The following SLC44A1 variants were observed in gnomAD, a reference collection of about 807,000 sequenced individuals.
SLC44A1 encodes the protein solute carrier family 44 member 1.
In SLC44A1, 26 loss-of-function variants were observed where a neutral mutation model predicts 79.3. The ratio of observed to expected loss-of-function variants is 0.33; its 90% CI spans 0.24 to 0.46. The LOEUF (loss-of-function observed/expected upper bound fraction) is 0.46, where lower values mean the gene tolerates loss of function less well. Ranked by LOEUF, SLC44A1 falls within the 20% of genes least tolerant of loss-of-function variation. The pLI, the probability that SLC44A1 is intolerant of heterozygous loss-of-function variation, is 1.00. For missense variants in SLC44A1, 688 were observed against 798.1 expected, an observed-to-expected ratio of 0.86 and a Z score of 1.66; for synonymous variants, 263 against 286.2, an observed-to-expected ratio of 0.92 and a Z score of 0.82.
chr9:105,278,302 G>A (rs770848730), intron 1 of SLC44A1, among the ~76,000 whole-genome samples: 1 of 152,078 alleles, frequency 6.6e-6, no homozygotes, highest in Non-Finnish European at 1.5e-5. Context: ...AGACTGGAGT[G>A]CAGTGGTGCG....
At chr9:105,374,799 A>G (rs985441108) in intron 13 of SLC44A1, 64 bp downstream of exon 13, 14 of 1,352,216 alleles carry the variant, frequency 1.0e-5, no homozygotes, top group Non-Finnish European at 1.2e-5. Flanking sequence ...TTGCTCTTTT[A>G]TTTTAAAAAT....
At chr9:105,271,837 C>T (rs1830085890) in intron 1 of SLC44A1, among the ~76,000 whole-genome samples, 1 of 152,174 alleles carries the variant, frequency 6.6e-6, no homozygotes, top group African/African-American at 2.4e-5. Context: ...TGGTCTCAAA[C>T]TCCTGACCTC....
At position 105,392,007 on chromosome 9, in the gene SLC44A1, A is replaced by G. The variant is rs547196754; in HGVS notation, c.*2951A>G. The G allele has an allele frequency of 6.2e-5, 61 of 985,346 alleles. 2 individuals carry two copies. In the South Asian group the frequency reaches 2.3e-3, roughly 37 times the overall value. The allele number at this position is 985,346 out of a possible 1,614,324, so 61.0% of individuals were successfully genotyped here. On this transcript the variant is annotated 3_prime_UTR_variant, in exon 16 of 16. Coordinates refer to ENST00000374720, the MANE Select transcript of SLC44A1 (RefSeq NM_080546.5). Reference sequence around the variant, plus strand: ...TTTAGACTTTCTAAGCTCCTGCCTGAAGAATAAGGTCTTCCATAATATGGA... The same window carrying G: ...TTTAGACTTTCTAAGCTCCTGCCTGGAGAATAAGGTCTTCCATAATATGGA...
At chr9:105,256,711 C>T (rs1354726551) in intron 1 of SLC44A1, among the ~76,000 whole-genome samples, 3 of 150,284 alleles carry the variant, frequency 2.0e-5, no homozygotes, top group Admixed American at 6.6e-5. Context: ...TACAGGCATG[C>T]ACTACCACGC....
chr9:105,400,723 A>C (rs985259361), downstream of SLC44A1, among the ~76,000 whole-genome samples: 5 of 152,158 alleles, frequency 3.3e-5, no homozygotes, highest in Admixed American at 2.0e-4. Context: ...CACTGAATAT[A>C]GGTTCCCAGG....
chr9:105,396,848 A>G lies in SLC44A1; in HGVS notation c.*7792A>G. ...GCCTTCCATGAATTCATAGTTTGGA[A>G]TCATTTACCTTACCATTATTTTGGA... is the stretch of plus-strand genomic sequence containing the variant. On this transcript the variant is annotated 3_prime_UTR_variant, in exon 16 of 16. Coordinates refer to ENST00000374720, the MANE Select transcript of SLC44A1 (RefSeq NM_080546.5). The G allele has an allele frequency of 3.0e-6, 3 of 984,972 alleles. No homozygotes were observed. In the South Asian group the frequency reaches 1.4e-4, roughly 46 times the overall value. The allele number at this position is 984,972 out of a possible 1,614,324, so 61.0% of individuals were successfully genotyped here.
At chr9:105,312,853 T>C (rs1831217484) in intron 3 of SLC44A1, among the ~76,000 whole-genome samples, 1 of 152,202 alleles carries the variant, frequency 6.6e-6, no homozygotes, top group Non-Finnish European at 1.5e-5. Context: ...ATCTCTAATC[T>C]GCTCCATCCT....
At chr9:105,307,115 C>G (rs1831052649) in intron 2 of SLC44A1, among the ~76,000 whole-genome samples, 1 of 152,132 alleles carries the variant, frequency 6.6e-6, no homozygotes, top group Non-Finnish European at 1.5e-5. Context: ...TGATCACCTG[C>G]CATGTACCAG....
intron 2 of SLC44A1, among the ~76,000 whole-genome samples, 181 bp downstream of exon 2, chr9:105,299,490 C>T (rs1830819871): frequency 6.6e-6 from 1 of 152,214 alleles, no homozygotes; most frequent in Non-Finnish European, 1.5e-5. Flanking sequence ...GCAGCTGGGA[C>T]TCATATGCCA....
chr9:105,436,209 A>G (rs1226317375), intron 15 of SLC44A1, among the ~76,000 whole-genome samples: 1 of 152,192 alleles, frequency 6.6e-6, no homozygotes, highest in Non-Finnish European at 1.5e-5. Context: ...AAAACAGAAA[A>G]CAAAAAAAAG....
chr9:105,291,453 G>A (rs1231180914), intron 1 of SLC44A1, among the ~76,000 whole-genome samples: 1 of 152,216 alleles, frequency 6.6e-6, no homozygotes, highest in Non-Finnish European at 1.5e-5. Context: ...GGCTTTTGAG[G>A]TGTGTCAGGG....
intron 1 of SLC44A1, among the ~76,000 whole-genome samples, chr9:105,286,255 A>T (rs1202688900): frequency 1.3e-5 from 2 of 152,214 alleles, no homozygotes; most frequent in Non-Finnish European, 2.9e-5. Context: ...CACAGTAAAC[A>T]GAGCGCAGCA....
At position 105,427,243 on chromosome 9, in the gene SLC44A1, T is replaced by C. The variant is rs189226712; in HGVS notation, c.1951-11038T>C. 3.1e-4 allele frequency among the ~76,000 whole-genome samples: 47 copies of C among 151,296 alleles called. No individual in the cohort carries two copies. The East Asian group carries it at 3.2e-3, about 10-fold the overall frequency. The stretch of plus-strand genomic sequence containing the variant: ...CCACTGCACCTGGCCTATCTTCTCT[T>C]TCCCTTAACATATTAGAATTTCCCA... On this transcript the variant is annotated intron_variant, in intron 15 of 15. Transcript: ENST00000374724.
Position 105,392,403 on chromosome 9 carries a change from CTTTTTTTT to C in SLC44A1, c.*3367_*3374del, listed in dbSNP as rs57226567. 2,393 of 609,720 alleles carry C rather than the reference CTTTTTTTT, an allele frequency of 3.9e-3. 1 individual carries two copies. Among genetic ancestry groups the C allele is most frequent in the Middle Eastern group, 6.0e-3 (7 of 1,176 alleles). 37.8% of individuals were successfully genotyped at this position (609,720 alleles called of 1,614,324 possible). On this transcript the variant is annotated 3_prime_UTR_variant, in exon 16 of 16. Transcript: ENST00000374720. Reference sequence around the variant, plus strand: ...GTAGAGATGCTCTCTCTCTCTCTCTCTTTTTTTTTTTTTTTTTTTTTTTTTTTCCGTGA... The same window carrying C: ...GTAGAGATGCTCTCTCTCTCTCTCTCTTTTTTTTTTTTTTTTTTTCCGTGA...
At chr9:105,404,504 A>G (rs1564053689) in intron 15 of SLC44A1, among the ~76,000 whole-genome samples, 3 of 152,212 alleles carry the variant, frequency 2.0e-5, no homozygotes, top group Non-Finnish European at 2.9e-5. Flanking sequence ...GCACTGATGT[A>G]GGATTTGGAG....
At chr9:105,300,060 T>A in intron 2 of SLC44A1, 1 of 396,408 alleles carries the variant, frequency 2.5e-6, no homozygotes. Flanking sequence ...AGAAAACTGC[T>A]ATTTTTAAAG....
chr9:105,432,644 G>C (rs1208818412), intron 15 of SLC44A1, among the ~76,000 whole-genome samples: 1 of 152,148 alleles, frequency 6.6e-6, no homozygotes, highest in Admixed American at 6.6e-5. Context: ...TCCTAGAATA[G>C]CAAGGTATAG....
Position 105,304,881 on chromosome 9 carries a change from A to G in SLC44A1, c.127-4843A>G, listed in dbSNP as rs578054473. ...AGGACACTTCAATTCTTTTAGGGTA[A>G]ACCTTGCATTTGTATATGCTCAATA... On this transcript the variant is annotated intron_variant, in intron 2 of 15. Coordinates refer to ENST00000374720, the MANE Select transcript of SLC44A1 (RefSeq NM_080546.5). Among the ~76,000 whole-genome samples the G allele has an allele frequency of 8.9e-5, 13 of 146,352 alleles. No individual in the cohort carries two copies. The South Asian group carries it at 2.8e-3, about 31-fold the overall frequency.
At chr9:105,426,859 C>CA (rs1252119964) in intron 15 of SLC44A1, among the ~76,000 whole-genome samples, 2 of 151,320 alleles carry the variant, frequency 1.3e-5, no homozygotes, top group African/African-American at 4.8e-5. Flanking sequence ...GCAAGCATGA[C>CA]AAAATAATAT....
Sources: allele counts gnomAD v4.1 joint callset (sites outside exome capture counted in the v4.1 genomes callset), GRCh38; gene constraint gnomAD v4.1.1; transcripts MANE v1.5; gene names NCBI Gene and HGNC (gene_info 2026-07-23, HGNC 2026-07-21).